Variants in GRM1 observed in about 807,000 individuals in gnomAD.
GRM1 encodes metabotropic glutamate receptor 1.
In GRM1, 33 loss-of-function variants were observed where a neutral mutation model predicts 90.9. The ratio of observed to expected loss-of-function variants is 0.36; its 90% CI spans 0.28 to 0.49. The LOEUF is 0.49. Ranked by LOEUF, GRM1 falls within the 20% of genes least tolerant of loss-of-function variation. GRM1 has a pLI of 0.99. For synonymous variants in GRM1, 700 were observed against 613.2 expected, an observed-to-expected ratio of 1.14 and a Z score of -2.09; for missense variants, 1,190 against 1,534.3, an observed-to-expected ratio of 0.78 and a Z score of 3.75.
At chr6:146,196,463 A>ATTT (rs772811053) in intron 2 of GRM1, among the ~76,000 whole-genome samples, 63 of 85,964 alleles carry the variant, frequency 7.3e-4, no homozygotes, top group South Asian at 8.3e-4. Context: ...AATTTTTTGT[A>ATTT]TTTTTTTTTT....
intron 2 of GRM1, among the ~76,000 whole-genome samples, chr6:146,196,414 A>G (rs1319017220): frequency 2.7e-5 from 4 of 150,304 alleles, no homozygotes; most frequent in Admixed American, 1.3e-4. Flanking sequence ...CAGCCTCCCA[A>G]GTAGCTGGGA....
At chr6:146,331,984 T>A (rs182607972) in intron 3 of GRM1, among the ~76,000 whole-genome samples, 29 of 152,260 alleles carry the variant, frequency 1.9e-4, no homozygotes, top group Non-Finnish European at 3.4e-4. Flanking sequence ...CAGTACACTC[T>A]CCAGTTATCA....
At chr6:146,379,386 T>C (rs1196710215) in intron 5 of GRM1, among the ~76,000 whole-genome samples, 2 of 151,532 alleles carry the variant, frequency 1.3e-5, no homozygotes, top group Admixed American at 6.6e-5. Context: ...TTCAGTATGC[T>C]AATTGCATTT....
At chr6:146,092,229 C>A (rs1776738124) in intron 1 of GRM1, among the ~76,000 whole-genome samples, 1 of 152,000 alleles carries the variant, frequency 6.6e-6, no homozygotes, top group African/African-American at 2.4e-5. Flanking sequence ...CCCCTTATAC[C>A]CTTACATGAC....
In GRM1 at chr6:146,338,052, G is replaced by A. The variant is rs549533986; in HGVS notation, c.1187-14198G>A. Among the ~76,000 whole-genome samples the A allele has an allele frequency of 3.9e-5, 6 of 152,100 alleles. No individual in the cohort carries two copies. In the South Asian group the frequency reaches 1.0e-3, roughly 26 times the overall value. On this transcript the variant is annotated intron_variant, in intron 3 of 7. Transcript: ENST00000282753. Reference sequence around the variant, plus strand: ...AAGAGTCTAAAGAAACGTCTTAATCGAACAATTTTACTGCAAATGATTCAT... The same window carrying A: ...AAGAGTCTAAAGAAACGTCTTAATCAAACAATTTTACTGCAAATGATTCAT...
intron 2 of GRM1, among the ~76,000 whole-genome samples, chr6:146,225,327 T>C (rs1477401791): frequency 6.6e-6 from 1 of 152,086 alleles, no homozygotes; most frequent in Non-Finnish European, 1.5e-5. Flanking sequence ...CTCTCACTAG[T>C]TTAGGAGAAA....
intron 3 of GRM1, among the ~76,000 whole-genome samples, chr6:146,309,281 C>G (rs143090339): frequency 0.011 from 1,615 of 152,002 alleles, 18 homozygotes; most frequent in Non-Finnish European, 0.018. Flanking sequence ...TGCCTATAAT[C>G]CTAGCTACTC....
intron 2 of GRM1, among the ~76,000 whole-genome samples, chr6:146,185,087 A>G (rs1021465836): frequency 8.5e-5 from 13 of 152,226 alleles, no homozygotes; most frequent in African/African-American, 3.1e-4. Flanking sequence ...TTTAAAAAGG[A>G]GGTAACCCAA....
intron 2 of GRM1, among the ~76,000 whole-genome samples, chr6:146,241,933 C>T (rs1780879542): frequency 6.6e-6 from 1 of 152,064 alleles, no homozygotes; most frequent in South Asian, 2.1e-4. Flanking sequence ...ATGTTAGGAC[C>T]AATAACCAGG....
intron 2 of GRM1, among the ~76,000 whole-genome samples, chr6:146,204,100 C>G (rs1291130626): frequency 1.3e-5 from 2 of 152,146 alleles, no homozygotes; most frequent in African/African-American, 4.8e-5. Context: ...TAGATACTGT[C>G]AAACTGATAA....
At chr6:146,099,982 C>T (rs2128870125) in intron 1 of GRM1, among the ~76,000 whole-genome samples, 1 of 152,292 alleles carries the variant, frequency 6.6e-6, no homozygotes, top group Admixed American at 6.5e-5. Flanking sequence ...TATATTTCTA[C>T]CAGCAGTGTA....
chr6:146,168,820 C>CT (rs1778003226), intron 2 of GRM1, among the ~76,000 whole-genome samples: 1 of 152,052 alleles, frequency 6.6e-6, no homozygotes, highest in African/African-American at 2.4e-5. Context: ...ATCTGCTGTA[C>CT]TTCTTTTTAC....
At chr6:146,182,697 A>T (rs1327061704) in intron 2 of GRM1, among the ~76,000 whole-genome samples, 1 of 152,078 alleles carries the variant, frequency 6.6e-6, no homozygotes, top group African/African-American at 2.4e-5. Context: ...AATACAAGTT[A>T]TTGTTGTATT....
rs1395216230 is a variant in GRM1, at chr6:146,384,922, A to G, written c.1603-1968A>G. Reference sequence around the variant, plus strand: ...GAACTAAAGGTCAGTGAACTGAAAAACATAGCAATAGGAAACAGGCAAATG... The same window carrying G: ...GAACTAAAGGTCAGTGAACTGAAAAGCATAGCAATAGGAAACAGGCAAATG... On this transcript the variant is annotated intron_variant, in intron 5 of 7. Transcript: ENST00000282753. Among the ~76,000 whole-genome samples, 3 of 152,068 alleles carry G rather than the reference A, an allele frequency of 2.0e-5. No homozygotes were observed. In the East Asian group the frequency reaches 5.8e-4, roughly 29 times the overall value.
At chr6:146,051,471 G>T (rs1305246176) in intron 1 of GRM1, among the ~76,000 whole-genome samples, 3 of 152,086 alleles carry the variant, frequency 2.0e-5, no homozygotes, top group African/African-American at 7.2e-5. Context: ...GATTCATATA[G>T]AGAATAGACT....
intron 1 of GRM1, among the ~76,000 whole-genome samples, chr6:146,105,028 T>G (rs2128871743): frequency 6.6e-6 from 1 of 152,356 alleles, no homozygotes; most frequent in East Asian, 1.9e-4. Context: ...TGAGTGATTT[T>G]TTATGGATAT....
intron 7 of GRM1, among the ~76,000 whole-genome samples, chr6:146,418,790 A>T (rs904976253): frequency 6.6e-6 from 1 of 152,124 alleles, no homozygotes; most frequent in Non-Finnish European, 1.5e-5. Flanking sequence ...TAGAGTGGCC[A>T]TATGTCTTTG....
At chr6:146,068,113 A>ATT (rs1464025557) in intron 1 of GRM1, among the ~76,000 whole-genome samples, 11 of 127,308 alleles carry the variant, frequency 8.6e-5, no homozygotes, top group Non-Finnish European at 1.4e-4. Context: ...ACCTTCAAAT[A>ATT]ATTTTTTTTT....
chr6:146,217,236 C>G (rs1779904689), intron 2 of GRM1, among the ~76,000 whole-genome samples: 1 of 152,092 alleles, frequency 6.6e-6, no homozygotes, highest in Non-Finnish European at 1.5e-5. Context: ...ACACAGAATA[C>G]CTACTAGAAT....
Sources: allele counts gnomAD v4.1 joint callset (sites outside exome capture counted in the v4.1 genomes callset), GRCh38; gene constraint gnomAD v4.1.1; transcripts MANE v1.5; gene names NCBI Gene and HGNC (gene_info 2026-07-23, HGNC 2026-07-21).